The following SHISA9 variants were observed in gnomAD, a reference collection of about 807,000 sequenced individuals.
SHISA9 encodes the protein protein shisa-9.
SHISA9 carries 13 observed loss-of-function variants against 38.0 expected under a neutral mutation model. That is an observed-to-expected ratio of 0.34 (90% CI 0.22 to 0.54). The LOEUF is 0.54. Ranked by LOEUF, SHISA9 falls within the 20% of genes least tolerant of loss-of-function variation. The probability of loss-of-function intolerance (pLI) is 0.91; values close to 1 mark genes in which losing one functional copy is unlikely to be tolerated. For missense variants in SHISA9, 538 were observed against 575.8 expected (o/e 0.93, Z 0.67); for synonymous variants, 275 against 242.0 (o/e 1.14, Z -1.27).
chr16:13,379,940 A>G, the SHISA9 span, among the ~76,000 whole-genome samples: 2 of 152,218 alleles, frequency 1.3e-5, no homozygotes, highest in Non-Finnish European at 2.9e-5. Flanking sequence ...GACACAGGAT[A>G]CCATAAATAA....
the SHISA9 span, among the ~76,000 whole-genome samples, chr16:13,492,236 G>C: frequency 1.3e-5 from 2 of 152,092 alleles, no homozygotes; most frequent in East Asian, 1.9e-4. Context: ...TTCTGTGGGC[G>C]AGCACTGGGG....
At chr16:13,031,583 A>G (rs12935057) in intron 2 of SHISA9, among the ~76,000 whole-genome samples, 91,347 of 151,912 alleles carry the variant, frequency 0.6, 28,443 homozygotes, top group Middle Eastern at 0.74. Context: ...GTTCAGATGG[A>G]GCATGCCAGT....
the SHISA9 span, among the ~76,000 whole-genome samples, chr16:13,311,857 T>C: frequency 6.6e-6 from 1 of 152,172 alleles, no homozygotes; most frequent in Non-Finnish European, 1.5e-5. Context: ...AAAAACGAGA[T>C]AGATAATAAT....
At chr16:13,525,893 C>A in the SHISA9 span, among the ~76,000 whole-genome samples, 1 of 152,232 alleles carries the variant, frequency 6.6e-6, no homozygotes, top group Non-Finnish European at 1.5e-5. Context: ...TCAACCTTGC[C>A]TGGGCAGGGC....
At position 12,986,829 on chromosome 16, in the gene SHISA9, A is replaced by G. The variant is rs551421860; in HGVS notation, c.691+70014A>G. Among the ~76,000 whole-genome samples, 119 of 152,366 alleles carry G rather than the reference A, an allele frequency of 7.8e-4. 1 individual carries two copies. Among genetic ancestry groups the G allele is most frequent in the Middle Eastern group, 6.8e-3 (2 of 294 alleles). On this transcript the variant is annotated intron_variant, in intron 2 of 4. Coordinates refer to ENST00000558583, the MANE Select transcript of SHISA9 (RefSeq NM_001145204.3). Reference sequence around the variant, plus strand: ...TAAAGATGAAAATACTGAGGCTTAGAGAGGCAAAGGAACCTGCCCAGGTTC... The same window carrying G: ...TAAAGATGAAAATACTGAGGCTTAGGGAGGCAAAGGAACCTGCCCAGGTTC...
At chr16:12,974,141 A>G (rs2072122922) in intron 2 of SHISA9, among the ~76,000 whole-genome samples, 1 of 152,188 alleles carries the variant, frequency 6.6e-6, no homozygotes, top group Non-Finnish European at 1.5e-5. Flanking sequence ...CAAGGTCCCT[A>G]GAGAACGGCA....
the SHISA9 span, among the ~76,000 whole-genome samples, chr16:13,511,419 A>C: frequency 6.6e-6 from 1 of 152,196 alleles, no homozygotes; most frequent in African/African-American, 2.4e-5. Flanking sequence ...TTTTTCACAC[A>C]CATATTTTAA....
the SHISA9 span, among the ~76,000 whole-genome samples, chr16:13,411,806 G>A: frequency 3.3e-5 from 5 of 152,236 alleles, no homozygotes; most frequent in Non-Finnish European, 5.9e-5. Flanking sequence ...AGACACACAA[G>A]CTTTATTCTA....
intron 2 of SHISA9, among the ~76,000 whole-genome samples, chr16:13,027,144 T>C (rs978834683): frequency 3.3e-5 from 5 of 152,232 alleles, no homozygotes; most frequent in African/African-American, 1.2e-4. Context: ...TGAATTGTAC[T>C]GTTGGTTGAC....
chr16:13,535,136 C>G, the SHISA9 span, among the ~76,000 whole-genome samples: 48 of 152,290 alleles, frequency 3.2e-4, no homozygotes, highest in South Asian at 9.5e-3. Context: ...ATCCCAGCTA[C>G]TCTGGAGGAT....
intron 2 of SHISA9, among the ~76,000 whole-genome samples, chr16:13,044,443 A>C (rs767251490): frequency 2.0e-5 from 3 of 152,170 alleles, no homozygotes; most frequent in Non-Finnish European, 4.4e-5. Context: ...TTACAAGACA[A>C]ATGTTTTATT....
chr16:13,214,985 C>T (rs529457794), intron 4 of SHISA9, among the ~76,000 whole-genome samples: 78 of 152,110 alleles, frequency 5.1e-4, no homozygotes, highest in East Asian at 3.3e-3. Context: ...ATTATTCTGG[C>T]TTCTAAGTGG....
the SHISA9 span, among the ~76,000 whole-genome samples, chr16:13,387,462 A>T: frequency 6.6e-6 from 1 of 151,550 alleles, no homozygotes; most frequent in Admixed American, 6.6e-5. Context: ...AGCTGAAAGG[A>T]ACAAGGAAGC....
intron 2 of SHISA9, among the ~76,000 whole-genome samples, chr16:13,094,206 C>T (rs368409634): frequency 2.3e-4 from 35 of 152,236 alleles, no homozygotes; most frequent in African/African-American, 7.7e-4. Context: ...TCCTCTGATA[C>T]GAGTTGTGGG....
At chr16:13,140,917 T>C in intron 2 of SHISA9, among the ~76,000 whole-genome samples, 1 of 152,132 alleles carries the variant, frequency 6.6e-6, no homozygotes, top group Admixed American at 6.6e-5. Context: ...CTTAGGATTA[T>C]CTAGAAATAC....
At chr16:13,185,340 T>C (rs1437002397) in intron 2 of SHISA9, among the ~76,000 whole-genome samples, 1 of 152,152 alleles carries the variant, frequency 6.6e-6, no homozygotes, top group Non-Finnish European at 1.5e-5. Flanking sequence ...TAGCTGGGCC[T>C]ACAGGGACAT....
At chr16:13,425,870 A>C in the SHISA9 span, among the ~76,000 whole-genome samples, 1 of 152,132 alleles carries the variant, frequency 6.6e-6, no homozygotes, top group Admixed American at 6.5e-5. Context: ...AAGACCCCAG[A>C]GTAACTCTGA....
rs2072599089 is a variant in SHISA9 at position 13,006,420 on chromosome 16, A to T, written c.691+89605A>T. 2.0e-5 allele frequency among the ~76,000 whole-genome samples: 3 copies of T among 152,160 alleles called. No individual in the cohort carries two copies. In the South Asian group the frequency reaches 6.2e-4, roughly 31 times the overall value. On this transcript the variant is annotated intron_variant, in intron 2 of 4. Transcript: ENST00000558583. ...CAACCTGTGACAGTATTTATCAAGC[A>T]CGTTCTCTGTCTCTCCAACTTGTGA...
the SHISA9 span, among the ~76,000 whole-genome samples, chr16:13,421,251 C>A: frequency 1.3e-5 from 2 of 151,980 alleles, no homozygotes; most frequent in Admixed American, 1.3e-4. Flanking sequence ...TCCAATATAC[C>A]ATCCTTGGGC....
Sources: allele counts gnomAD v4.1 joint callset (sites outside exome capture counted in the v4.1 genomes callset), GRCh38; gene constraint gnomAD v4.1.1; transcripts MANE v1.5; gene names NCBI Gene and HGNC (gene_info 2026-07-23, HGNC 2026-07-21).